Variants in DNHD1 observed in about 807,000 individuals in gnomAD.
DNHD1 encodes the protein dynein heavy chain domain 1.
Under a neutral mutation model 458.1 loss-of-function variants are expected in DNHD1, and 383 were observed. The ratio of observed to expected loss-of-function variants is 0.84; its 90% CI spans 0.77 to 0.91. DNHD1 has a LOEUF of 0.91. Ranked by LOEUF, DNHD1 falls within the 40% of genes least tolerant of loss-of-function variation. DNHD1 has a pLI of 0.00. For missense variants in DNHD1, 5,336 were observed against 5,866.1 expected (o/e 0.91, Z 2.95); for synonymous variants, 2,203 against 2,376.9 (o/e 0.93, Z 2.13).
Position 6,539,331 on chromosome 11 carries a change from G to A in DNHD1, c.3420+18G>A. On this transcript the variant is annotated intron_variant, in intron 17 of 42. Transcript: ENST00000254579. The stretch of plus-strand genomic sequence containing the variant: ...TCAACCAGGTGGGGCCCTCAGTACA[G>A]GGGCGAGGGAGGTGGTCCAAAGCCA... The A allele has an allele frequency of 6.5e-7, 1 of 1,535,542 alleles. No homozygotes were observed. Among genetic ancestry groups the A allele is most frequent in the Non-Finnish European group, 8.8e-7 (1 of 1,132,646 alleles).
At chr11:6,516,833 T>C (rs1852479758) in intron 7 of DNHD1, among the ~76,000 whole-genome samples, 1 of 152,190 alleles carries the variant, frequency 6.6e-6, no homozygotes, top group Admixed American at 6.5e-5. Context: ...CTTAGCATTA[T>C]CATACTTTCC....
intron 16 of DNHD1, 140 bp downstream of exon 16, chr11:6,538,950 T>A: frequency 9.6e-7 from 1 of 1,036,574 alleles, no homozygotes; most frequent in Non-Finnish European, 1.4e-6. Context: ...ATATTTCAAT[T>A]TCTTTTCCTT....
intron 7 of DNHD1, among the ~76,000 whole-genome samples, chr11:6,512,358 C>T (rs1163788131): frequency 2.0e-5 from 3 of 150,824 alleles, no homozygotes; most frequent in East Asian, 2.0e-4. Flanking sequence ...GTAGCTGGGA[C>T]TACAGGCACC....
chr11:6,522,814 C>A (rs1194310885), intron 10 of DNHD1, among the ~76,000 whole-genome samples: 1 of 152,050 alleles, frequency 6.6e-6, no homozygotes, highest in Non-Finnish European at 1.5e-5. Flanking sequence ...AAATTAACCC[C>A]TTTTCAATAG....
intron 29 of DNHD1, 113 bp downstream of exon 29, chr11:6,563,244 G>A (rs1853623128): frequency 1.3e-6 from 2 of 1,526,228 alleles, no homozygotes; most frequent in Non-Finnish European, 1.8e-6. Flanking sequence ...CTCCTGGGGG[G>A]AGGGGACAAA....
chr11:6,537,182 C>G (rs574589448), intron 14 of DNHD1, among the ~76,000 whole-genome samples: 1 of 152,278 alleles, frequency 6.6e-6, no homozygotes, highest in Admixed American at 6.5e-5. Flanking sequence ...CCTATTGACA[C>G]TTATCTCACA....
chr11:6,557,519 T>C lies in DNHD1; in HGVS notation c.8224T>C (p.Ser2742Pro), dbSNP rs1853493076. Residue 2742 changes from serine (S) to proline (P), a missense_variant, in exon 25 of 43, where the codon TCA (serine) becomes CCA (proline). Ser to Pro is a moderately conservative substitution (Grantham distance 74). Around this residue, in one of 4 missense-constraint regions of DNHD1, gnomAD observed 3,932 missense variants for 4,365.6 expected, o/e 0.90. Transcript: ENST00000254579. Reference sequence around the variant, plus strand: ...TTATGGCCTTCAGGTCGCCAGAGTCTCAAACTCCAGAGATCCAAGTCTAAC... The same window carrying C: ...TTATGGCCTTCAGGTCGCCAGAGTCCCAAACTCCAGAGATCCAAGTCTAAC... Reference protein sequence around the residue: ...EPYGLQVARVSNSRDPSLTPS... With the variant: ...EPYGLQVARVPNSRDPSLTPS... 1.3e-6 allele frequency: 2 copies of C among 1,551,568 alleles called. No homozygotes were observed. The highest frequency in any genetic ancestry group is 1.7e-6 in the Non-Finnish European group (2 of 1,146,978).
chr11:6,524,097 A>G (rs1852659636), intron 10 of DNHD1, among the ~76,000 whole-genome samples: 1 of 152,218 alleles, frequency 6.6e-6, no homozygotes, highest in African/African-American at 2.4e-5. Context: ...ACCAAATTCC[A>G]TTAAAAATAG....
Position 6,511,389 on chromosome 11 carries a change from T to G in DNHD1, c.1352T>G (p.Leu451Arg). ...AEEKHKALRL[L>R]HRCLNLCTSI... Reference sequence around the variant, plus strand: ...GAGAAGCATAAGGCTCTACGGCTGCTCCATCGTTGCCTAAACCTCTGCACA... The same window carrying G: ...GAGAAGCATAAGGCTCTACGGCTGCGCCATCGTTGCCTAAACCTCTGCACA... The change falls in exon 7 of 43, where the codon CTC becomes CGC. Residue 451 changes from leucine (L) to arginine (R), a missense_variant. Coordinates refer to ENST00000254579, the MANE Select transcript of DNHD1 (RefSeq NM_144666.3). 6.2e-7 allele frequency: 1 copy of G among 1,614,234 alleles called. No individual in the cohort carries two copies. The highest frequency in any genetic ancestry group is 8.5e-7 in the Non-Finnish European group (1 of 1,180,040).
Position 6,548,920 on chromosome 11 carries a change from C to G in DNHD1, c.7374C>G (p.His2458Gln). 6.4e-7 allele frequency: 1 copy of G among 1,551,682 alleles called. No homozygotes were observed. Among genetic ancestry groups the G allele is most frequent in the Non-Finnish European group, 8.7e-7 (1 of 1,146,982 alleles). ...TCCTCTTCTTGCTGGAGGACCTGCA[C>G]CTAGCCACTTCTGGTGAGGAGCTGC... ...PSLLFLLEDL[H>Q]LATSDPEKSC... The change falls in exon 24 of 43, where the codon CAC becomes CAG. Residue 2458 changes from histidine (H) to glutamine (Q), a missense_variant. Coordinates refer to ENST00000254579, the MANE Select transcript of DNHD1 (RefSeq NM_144666.3). This position sits in a 1 kb window ranked among gnomAD's most constrained non-coding sequence, Gnocchi z 4.4.
rs1853271524 is a variant in DNHD1 at position 6,548,591 on chromosome 11, A to G, written c.7099-54A>G. On this transcript the variant is annotated intron_variant, in intron 23 of 42. Transcript: ENST00000254579. This position sits in a 1 kb window ranked among gnomAD's most constrained non-coding sequence, Gnocchi z 4.4. ...GTCCCTTAGACTTTTATTTTCAGCT[A>G]GATTACTGTCTTATACTGGAGGTGC... 1 of 1,538,638 alleles carries G rather than the reference A, an allele frequency of 6.5e-7. No individual in the cohort carries two copies. The highest frequency in any genetic ancestry group is 8.8e-7 in the Non-Finnish European group (1 of 1,139,472).
In DNHD1 at chr11:6,505,258, T is replaced by G. The variant is rs56140952; in HGVS notation, c.920+2332T>G. On this transcript the variant is annotated intron_variant, in intron 4 of 42. Transcript: ENST00000254579. The surrounding 1 kb of genome is among the most constrained non-coding windows in gnomAD (Gnocchi z 4.4). ...GTTTTTTATTTTTATTTTTATTATT[T>G]TTTTTTAAGATGGAGTCTCACTCTG... Among the ~76,000 whole-genome samples the G allele has an allele frequency of 6.6e-6, 1 of 151,996 alleles. No individual in the cohort carries two copies. Among genetic ancestry groups the G allele is most frequent in the Middle Eastern group, 3.2e-3 (1 of 316 alleles).
In DNHD1 at chr11:6,563,367, T is replaced by A. The variant is rs771580576; in HGVS notation, c.9670-15T>A. On this transcript the variant is annotated splice_polypyrimidine_tract_variant and intron_variant, in intron 29 of 42. Transcript: ENST00000254579. Reference sequence around the variant, plus strand: ...TCTCAGGAGCTCACTTCAGAGGGTATCTCTCCTCATTTAGATGAGCAAGGC... The same window carrying A: ...TCTCAGGAGCTCACTTCAGAGGGTAACTCTCCTCATTTAGATGAGCAAGGC... The A allele has an allele frequency of 3.2e-6, 5 of 1,551,112 alleles. No individual in the cohort carries two copies. In the South Asian group the frequency reaches 5.9e-5, roughly 18 times the overall value.
Position 6,571,442 on chromosome 11 carries a change from T to C in DNHD1, c.13911+19T>C. The C allele has an allele frequency of 6.4e-7, 1 of 1,556,096 alleles. No individual in the cohort carries two copies. ...CTTCAGGGTATCTTCGCGCCGCCCC[T>C]CGTTCGCGGTTCCAGTCCCCTCGAA... On this transcript the variant is annotated intron_variant, in intron 42 of 42. Coordinates refer to ENST00000254579, the MANE Select transcript of DNHD1 (RefSeq NM_144666.3). This position sits in a 1 kb window ranked among gnomAD's most constrained non-coding sequence, Gnocchi z 5.0.
intron 17 of DNHD1, among the ~76,000 whole-genome samples, 166 bp from the exon 18 acceptor site, chr11:6,539,710 C>T (rs1033662175): frequency 6.6e-6 from 1 of 152,182 alleles, no homozygotes; most frequent in African/African-American, 2.4e-5. Flanking sequence ...TGCCGATGGC[C>T]TATCTTTGAA....
chr11:6,528,891 A>G lies in DNHD1; in HGVS notation c.2117A>G (p.Lys706Arg), dbSNP rs1416655908. ...QQVLLEGVLC[K>R]VQEFCREHHW... ...GTCTGCCCTTAGGGCGTGCTGTGCAAGGTGCAGGAATTCTGCAGGGAACAT... is the reference window on the plus strand; with the variant it reads ...GTCTGCCCTTAGGGCGTGCTGTGCAGGGTGCAGGAATTCTGCAGGGAACAT... The change falls in exon 12 of 43, where the codon AAG (lysine) becomes AGG (arginine). Residue 706 changes from lysine (K) to arginine (R), a missense_variant. By Grantham distance (26) the Lys-to-Arg change is conservative (BLOSUM62 2). Transcript: ENST00000254579. The G allele has an allele frequency of 1.3e-6, 2 of 1,551,586 alleles. No individual in the cohort carries two copies. The highest frequency in any genetic ancestry group is 1.4e-5 in the African/African-American group (1 of 73,072).
rs1853852224 is a variant in DNHD1, at chr11:6,571,542, C to G, written c.13912-94C>G. 2.8e-6 allele frequency: 4 copies of G among 1,454,354 alleles called. No homozygotes were observed. In the East Asian group the frequency reaches 1.0e-4, roughly 36 times the overall value. 90.1% of individuals were successfully genotyped at this position (1,454,354 alleles called of 1,614,324 possible). On this transcript the variant is annotated intron_variant, in intron 42 of 42. Transcript: ENST00000254579. The surrounding 1 kb of genome is among the most constrained non-coding windows in gnomAD (Gnocchi z 5.0). ...GTAACCCTGCTAGCTTCTCCGATCT[C>G]GCTTCACCACGACCTCCTACCCGCT...
At chr11:6,512,271 A>G (rs1180419699) in intron 7 of DNHD1, among the ~76,000 whole-genome samples, 2 of 116,550 alleles carry the variant, frequency 1.7e-5, no homozygotes, top group Non-Finnish European at 3.2e-5. Flanking sequence ...CCCAGGCTGG[A>G]GTGCAGTGGC....
chr11:6,544,528 A>G, intron 19 of DNHD1, 46 bp from the exon 20 acceptor site: 1 of 1,472,686 alleles, frequency 6.8e-7, no homozygotes, highest in South Asian at 1.2e-5. Flanking sequence ...TGCAGAAGGT[A>G]GAACCCTAGT....
Sources: gnomAD v4.1 joint callset for allele counts (sites outside exome capture counted in the v4.1 genomes callset) on GRCh38, gnomAD v4.1.1 for gene constraint, gnomAD v4.1.1 regional missense constraint, Gnocchi (gnomAD v3.1) non-coding constraint, MANE v1.5 for transcripts, NCBI Gene and HGNC (gene_info 2026-07-23, HGNC 2026-07-21) for gene names.